Variants in NKAIN2 observed in about 807,000 individuals in gnomAD.
NKAIN2 encodes sodium/potassium-transporting ATPase subunit beta-1-interacting protein 2.
A neutral mutation model predicts 32.6 loss-of-function variants in NKAIN2; 14 were observed. That is an observed-to-expected ratio of 0.43 (90% CI 0.28 to 0.67). The LOEUF (loss-of-function observed/expected upper bound fraction) is 0.67, where lower values mean the gene tolerates loss of function less well. Ranked by LOEUF, NKAIN2 falls within the 30% of genes least tolerant of loss-of-function variation. The probability of loss-of-function intolerance (pLI) is 0.17; values close to 1 mark genes in which losing one functional copy is unlikely to be tolerated. For missense variants in NKAIN2, 198 were observed against 258.3 expected, an observed-to-expected ratio of 0.77 and a Z score of 1.60; for synonymous variants, 80 against 87.2, an observed-to-expected ratio of 0.92 and a Z score of 0.46.
At chr6:123,933,640 T>G (rs1776367147) in intron 1 of NKAIN2, among the ~76,000 whole-genome samples, 1 of 152,218 alleles carries the variant, frequency 6.6e-6, no homozygotes, top group Non-Finnish European at 1.5e-5. Flanking sequence ...ATGACAAGGT[T>G]CTTTGGTCAT....
At chr6:124,223,354 A>G (rs1207250193) in intron 1 of NKAIN2, among the ~76,000 whole-genome samples, 3 of 152,098 alleles carry the variant, frequency 2.0e-5, no homozygotes, top group Non-Finnish European at 4.4e-5. Context: ...GAAAGATCCA[A>G]TGAATAGGAA....
chr6:124,795,726 CT>C (rs1185371376), intron 5 of NKAIN2, among the ~76,000 whole-genome samples: 3 of 152,058 alleles, frequency 2.0e-5, no homozygotes, highest in African/African-American at 7.2e-5. Context: ...TAGGTGATAC[CT>C]TCTTGCTGTA....
At chr6:124,470,198 C>T (rs1332691060) in intron 3 of NKAIN2, among the ~76,000 whole-genome samples, 2 of 152,028 alleles carry the variant, frequency 1.3e-5, no homozygotes, top group South Asian at 2.1e-4. Flanking sequence ...ACCAGGCCAC[C>T]GTGGCTGCAG....
chr6:124,315,306 T>C (rs1796902733), intron 2 of NKAIN2, among the ~76,000 whole-genome samples: 1 of 152,066 alleles, frequency 6.6e-6, no homozygotes, highest in African/African-American at 2.4e-5. Context: ...GAGATAAAGG[T>C]ACCGATTTTT....
At chr6:124,151,438 G>T (rs902400714) in intron 1 of NKAIN2, among the ~76,000 whole-genome samples, 1 of 151,850 alleles carries the variant, frequency 6.6e-6, no homozygotes, top group Non-Finnish European at 1.5e-5. Context: ...TGCATATGTG[G>T]TTTTTTTCCA....
chr6:124,704,474 C>G (rs1401509943), intron 4 of NKAIN2, among the ~76,000 whole-genome samples: 1 of 151,856 alleles, frequency 6.6e-6, no homozygotes, highest in Admixed American at 6.6e-5. Flanking sequence ...TTCTGAATAG[C>G]AGTGGAAGGC....
At chr6:123,837,047 C>T (rs1055849538) in intron 1 of NKAIN2, among the ~76,000 whole-genome samples, 21 of 152,044 alleles carry the variant, frequency 1.4e-4, no homozygotes, top group Non-Finnish European at 2.5e-4. Context: ...GTAAAAGTAG[C>T]ATATGCTCAT....
At chr6:123,923,506 G>A (rs79745009) in intron 1 of NKAIN2, among the ~76,000 whole-genome samples, 1,792 of 151,972 alleles carry the variant, frequency 0.012, 38 homozygotes, top group African/African-American at 0.041. Flanking sequence ...AAGAATTTTG[G>A]CACTATTCAC....
At chr6:124,508,805 T>C (rs1466557557) in intron 3 of NKAIN2, among the ~76,000 whole-genome samples, 1 of 152,196 alleles carries the variant, frequency 6.6e-6, no homozygotes, top group East Asian at 1.9e-4. Flanking sequence ...TCTTCGATTT[T>C]GGTTTGCAGC....
At chr6:123,941,198 G>T (rs888750457) in intron 1 of NKAIN2, among the ~76,000 whole-genome samples, 1 of 151,756 alleles carries the variant, frequency 6.6e-6, no homozygotes, top group Non-Finnish European at 1.5e-5. Context: ...ATGTAGAGCT[G>T]ATAACAAGTC....
chr6:123,932,713 A>G (rs1487379412), intron 1 of NKAIN2, among the ~76,000 whole-genome samples: 1 of 150,538 alleles, frequency 6.6e-6, no homozygotes, highest in Non-Finnish European at 1.5e-5. Flanking sequence ...CACCGCGCCC[A>G]GCCTTTCTTT....
intron 3 of NKAIN2, among the ~76,000 whole-genome samples, chr6:124,402,203 C>A (rs1224633524): frequency 6.6e-6 from 1 of 152,066 alleles, no homozygotes; most frequent in Non-Finnish European, 1.5e-5. Context: ...AGTAGCACTG[C>A]TGTTAAGAAA....
At chr6:124,060,848 A>G (rs1297091716) in intron 1 of NKAIN2, among the ~76,000 whole-genome samples, 3 of 152,198 alleles carry the variant, frequency 2.0e-5, no homozygotes, top group Non-Finnish European at 2.9e-5. Context: ...GATATTGTCA[A>G]ATGCTTTGGC....
intron 3 of NKAIN2, among the ~76,000 whole-genome samples, chr6:124,651,598 G>A (rs1023047815): frequency 2.0e-5 from 3 of 152,138 alleles, no homozygotes; most frequent in Non-Finnish European, 4.4e-5. Context: ...GGCCCGAGCT[G>A]TACTTGAGGC....
intron 3 of NKAIN2, among the ~76,000 whole-genome samples, chr6:124,395,476 T>C (rs2114433443): frequency 6.6e-6 from 1 of 152,290 alleles, no homozygotes; most frequent in African/African-American, 2.4e-5. Flanking sequence ...TCTCATTCAG[T>C]GGTAAACACA....
At chr6:124,023,821 A>T (rs1043135836) in intron 1 of NKAIN2, among the ~76,000 whole-genome samples, 2 of 152,120 alleles carry the variant, frequency 1.3e-5, no homozygotes, top group African/African-American at 2.4e-5. Context: ...GAAGGCAAAT[A>T]GTTGAGGAAT....
chr6:124,166,614 A>T (rs1341516003), intron 1 of NKAIN2, among the ~76,000 whole-genome samples: 6 of 151,648 alleles, frequency 4.0e-5, no homozygotes, highest in Admixed American at 6.6e-5. Flanking sequence ...CTGAATGGTA[A>T]TGCCTAGGTT....
intron 3 of NKAIN2, among the ~76,000 whole-genome samples, chr6:124,502,168 A>G (rs1028638670): frequency 2.0e-5 from 3 of 152,250 alleles, no homozygotes; most frequent in African/African-American, 4.8e-5. Context: ...AAATAAAGAT[A>G]ACAATGTATA....
chr6:124,439,846 A>G (rs1156588078), intron 3 of NKAIN2, among the ~76,000 whole-genome samples: 1 of 151,922 alleles, frequency 6.6e-6, no homozygotes, highest in African/African-American at 2.4e-5. Context: ...CCCGCACTTC[A>G]TCTCCTTGTC....
Sources: gnomAD v4.1 joint callset for allele counts (sites outside exome capture counted in the v4.1 genomes callset) on GRCh38, gnomAD v4.1.1 for gene constraint, MANE v1.5 for transcripts, NCBI Gene and HGNC (gene_info 2026-07-23, HGNC 2026-07-21) for gene names.